SEMA3A: variants seen among roughly 807,000 people sequenced by gnomAD.
The protein encoded by SEMA3A is semaphorin 3A, also known as semaphorin-3A.
A neutral mutation model predicts 97.9 loss-of-function variants in SEMA3A; 29 were observed. The ratio of observed to expected loss-of-function variants is 0.30; its 90% confidence interval spans 0.22 to 0.40. The LOEUF (loss-of-function observed/expected upper bound fraction) is 0.40, where lower values mean the gene tolerates loss of function less well. Ranked by LOEUF, SEMA3A falls within the 10% of genes least tolerant of loss-of-function variation. SEMA3A has a pLI of 1.00. For missense variants in SEMA3A, 763 were observed against 951.3 expected (o/e 0.80, Z 2.60); for synonymous variants, 321 against 323.7 (o/e 0.99, Z 0.09).
At chr7:84,140,482 T>C (rs764862044) in intron 1 of SEMA3A, among the ~76,000 whole-genome samples, 1 of 152,136 alleles carries the variant, frequency 6.6e-6, no homozygotes, top group African/African-American at 2.4e-5. Context: ...TGAAAGGTAA[T>C]AGGACCCCAC....
chr7:84,261,886 G>T (rs974302379), intron 3 of SEMA3A, among the ~76,000 whole-genome samples: 3 of 152,210 alleles, frequency 2.0e-5, no homozygotes, highest in African/African-American at 7.2e-5. Flanking sequence ...ACACCATAAG[G>T]ATCTTGTGAC....
In SEMA3A at chr7:84,080,559, CTTTTTTTTTTTTTTTTT is replaced by C. The variant is rs1050053968; in HGVS notation, c.454-20018_454-20002del. Among the ~76,000 whole-genome samples, 2 of 11,902 alleles carry C rather than the reference CTTTTTTTTTTTTTTTTT, an allele frequency of 1.7e-4. 1 individual carries two copies. The highest frequency in any genetic ancestry group is 1.0e-3 in the African/African-American group (2 of 1,908). The allele number at this position is 11,902 out of a possible 152,430, so 7.8% of individuals were successfully genotyped here. On this transcript the variant is annotated intron_variant, in intron 4 of 16. Transcript: ENST00000265362. ...AGTTTATAATTTGCAGCTTATAATT[CTTTTTTTTTTTTTTTTT>C]TTTTTTTTTTTTTGAGACGGAGTCT...
At chr7:84,242,094 T>C (rs1799377569) in intron 3 of SEMA3A, among the ~76,000 whole-genome samples, 1 of 152,176 alleles carries the variant, frequency 6.6e-6, no homozygotes, top group Admixed American at 6.5e-5. Context: ...TTGCTTAGGA[T>C]TGTCTTGGCT....
In SEMA3A at chr7:84,406,785, A is replaced by T. The variant is rs1804103025; in HGVS notation, c.-245-34885T>A. On this transcript the variant is annotated intron_variant, in intron 1 of 3. Transcript: ENST00000424555. Reference sequence around the variant, plus strand: ...TAAACATAATCCAGCATATAAACAGAACCAAAGACAAAAACCACATGATTA... The same window carrying T: ...TAAACATAATCCAGCATATAAACAGTACCAAAGACAAAAACCACATGATTA... 2.0e-5 allele frequency among the ~76,000 whole-genome samples: 3 copies of T among 152,204 alleles called. 1 individual carries two copies. The South Asian group carries it at 6.2e-4, about 31-fold the overall frequency.
At chr7:84,035,672 G>A (rs1791918642) in intron 6 of SEMA3A, among the ~76,000 whole-genome samples, 1 of 151,982 alleles carries the variant, frequency 6.6e-6, no homozygotes, top group South Asian at 2.1e-4. Flanking sequence ...GCAGAGACCA[G>A]CTGAAGAGAC....
intron 1 of SEMA3A, among the ~76,000 whole-genome samples, chr7:84,491,241 T>A (rs1806717915): frequency 6.6e-6 from 1 of 152,144 alleles, no homozygotes; most frequent in Non-Finnish European, 1.5e-5. Context: ...AACAGTGCAA[T>A]ACTGTTTTGT....
chr7:84,317,461 T>G (rs10240629), intron 2 of SEMA3A, among the ~76,000 whole-genome samples: 2,803 of 152,308 alleles, frequency 0.018, 89 homozygotes, highest in African/African-American at 0.064. Flanking sequence ...TTTTTATATG[T>G]GTGTGGAATA....
chr7:84,483,358 T>C (rs779675472), intron 1 of SEMA3A, among the ~76,000 whole-genome samples: 6 of 152,148 alleles, frequency 3.9e-5, no homozygotes, highest in Non-Finnish European at 8.8e-5. Context: ...ACTAAGAAAA[T>C]TGTAAATACC....
At chr7:84,340,212 T>G (rs545567781) in intron 2 of SEMA3A, among the ~76,000 whole-genome samples, 1 of 152,244 alleles carries the variant, frequency 6.6e-6, no homozygotes, top group East Asian at 1.9e-4. Context: ...AAGAGGAAAT[T>G]TGAGAAGGTG....
intron 9 of SEMA3A, among the ~76,000 whole-genome samples, chr7:84,007,778 AG>A (rs1249739315): frequency 6.6e-6 from 1 of 152,192 alleles, no homozygotes; most frequent in Admixed American, 6.5e-5. Context: ...AAGTTTTGAT[AG>A]GAAAAACAAA....
chr7:84,270,515 T>C (rs28397702), intron 3 of SEMA3A, among the ~76,000 whole-genome samples: 12,046 of 148,966 alleles, frequency 0.081, 664 homozygotes, highest in East Asian at 0.3. Flanking sequence ...TCTCTCTCTC[T>C]CTATATGCAT....
At chr7:84,396,162 T>C (rs1584289528) in intron 1 of SEMA3A, among the ~76,000 whole-genome samples, 1 of 152,096 alleles carries the variant, frequency 6.6e-6, no homozygotes, top group East Asian at 1.9e-4. Context: ...TGAAAGGCAA[T>C]AATTGAAAAC....
At chr7:84,079,657 C>T (rs1230749299) in intron 4 of SEMA3A, among the ~76,000 whole-genome samples, 2 of 142,776 alleles carry the variant, frequency 1.4e-5, no homozygotes, top group African/African-American at 2.7e-5. Flanking sequence ...AATGAGATAC[C>T]ATCTCACACC....
intron 1 of SEMA3A, among the ~76,000 whole-genome samples, chr7:84,185,754 C>A (rs867691999): frequency 1.9e-4 from 27 of 144,874 alleles, no homozygotes; most frequent in African/African-American, 6.7e-4. Context: ...ATGAAGAAAC[C>A]ATCATTATAA....
chr7:84,216,193 G>A (rs1487184347), intron 3 of SEMA3A, among the ~76,000 whole-genome samples: 1 of 152,056 alleles, frequency 6.6e-6, no homozygotes, highest in Non-Finnish European at 1.5e-5. Flanking sequence ...TGCCACCTCT[G>A]CCTCCTGGGT....
chr7:84,388,305 A>G (rs557420342), intron 1 of SEMA3A, among the ~76,000 whole-genome samples: 1 of 152,120 alleles, frequency 6.6e-6, no homozygotes, highest in Non-Finnish European at 1.5e-5. Context: ...AGTAACCATA[A>G]CCATAACCTT....
rs1447540719 is a variant in SEMA3A at position 84,121,799 on chromosome 7, C to T, written c.333+7324G>A. On this transcript the variant is annotated intron_variant, in intron 3 of 16. Transcript: ENST00000265362. ...GACTACAGGCGCCCGCCACTACGCC[C>T]GGCTAATTTTTTTGTATTTTTAGTA... Among the ~76,000 whole-genome samples the T allele has an allele frequency of 4.5e-5, 2 of 44,460 alleles. 1 individual carries two copies. Among genetic ancestry groups the T allele is most frequent in the Non-Finnish European group, 8.7e-5 (2 of 22,910 alleles). The allele number at this position is 44,460 out of a possible 152,430, so 29.2% of individuals were successfully genotyped here.
intron 6 of SEMA3A, among the ~76,000 whole-genome samples, chr7:84,042,336 A>G (rs896648857): frequency 1.3e-5 from 2 of 152,132 alleles, no homozygotes; most frequent in Non-Finnish European, 2.9e-5. Flanking sequence ...CCACTAAAAG[A>G]AAACAGGTCT....
At chr7:84,310,910 T>C (rs1014896835) in intron 2 of SEMA3A, among the ~76,000 whole-genome samples, 1 of 151,874 alleles carries the variant, frequency 6.6e-6, no homozygotes, top group South Asian at 2.1e-4. Context: ...ATTTGGGCAA[T>C]AGATATAAAT....
Sources: gnomAD v4.1 joint callset for allele counts (sites outside exome capture counted in the v4.1 genomes callset) on GRCh38, gnomAD v4.1.1 for gene constraint, MANE v1.5 for transcripts, NCBI Gene and HGNC (gene_info 2026-07-23, HGNC 2026-07-21) for gene names.